The following SUCLG2 variants were observed in gnomAD, a reference collection of about 807,000 sequenced individuals.
SUCLG2 encodes succinate-CoA ligase GDP-forming subunit beta.
In SUCLG2, 42 loss-of-function variants were observed where a neutral mutation model predicts 47.9. That is an observed-to-expected ratio of 0.88 (90% CI 0.69 to 1.14). SUCLG2 has a LOEUF of 1.14. Ranked by LOEUF, SUCLG2 falls within the 50% of genes most tolerant of loss-of-function variation. The pLI, the probability that SUCLG2 is intolerant of heterozygous loss-of-function variation, is 0.00. For missense variants in SUCLG2, 571 were observed against 525.9 expected, an observed-to-expected ratio of 1.09 and a Z score of -0.84; for synonymous variants, 195 against 197.3, an observed-to-expected ratio of 0.99 and a Z score of 0.10.
At chr3:67,395,945 C>A (rs563348628) in intron 10 of SUCLG2, among the ~76,000 whole-genome samples, 4 of 152,088 alleles carry the variant, frequency 2.6e-5, no homozygotes, top group Non-Finnish European at 5.9e-5. Flanking sequence ...TAAATGAAGG[C>A]AGAAATAAAG....
At chr3:67,566,849 T>C (rs148605399) in intron 2 of SUCLG2, among the ~76,000 whole-genome samples, 2 of 152,226 alleles carry the variant, frequency 1.3e-5, no homozygotes, top group Non-Finnish European at 2.9e-5. Context: ...TTCCATCCTA[T>C]GTTTTTATGC....
chr3:67,630,743 A>G (rs1378224270), intron 1 of SUCLG2, among the ~76,000 whole-genome samples: 3 of 152,236 alleles, frequency 2.0e-5, no homozygotes, highest in Non-Finnish European at 4.4e-5. Context: ...CACAATCCTC[A>G]TTACACAGTG....
chr3:67,402,814 A>G (rs1462826799), intron 9 of SUCLG2, among the ~76,000 whole-genome samples: 2 of 152,250 alleles, frequency 1.3e-5, no homozygotes, highest in Non-Finnish European at 2.9e-5. Context: ...TTCTCAGGGA[A>G]TTCTCATTAA....
chr3:67,425,226 T>C (rs1181828632), intron 9 of SUCLG2, among the ~76,000 whole-genome samples: 1 of 152,208 alleles, frequency 6.6e-6, no homozygotes, highest in Non-Finnish European at 1.5e-5. Flanking sequence ...AGCATCATTT[T>C]AGGCATACAG....
chr3:67,386,152 G>A (rs953695307), intron 10 of SUCLG2, among the ~76,000 whole-genome samples: 1 of 152,010 alleles, frequency 6.6e-6, no homozygotes, highest in African/African-American at 2.4e-5. Flanking sequence ...GCAGTGGCGC[G>A]ATCTCGGCTC....
chr3:67,601,277 A>G (rs1708412000), intron 2 of SUCLG2, among the ~76,000 whole-genome samples: 1 of 152,230 alleles, frequency 6.6e-6, no homozygotes, highest in Non-Finnish European at 1.5e-5. Context: ...ATATGTTAAT[A>G]TTAGCACAGG....
At chr3:67,484,275 C>G (rs1016675975) in intron 9 of SUCLG2, among the ~76,000 whole-genome samples, 23 of 152,162 alleles carry the variant, frequency 1.5e-4, no homozygotes, top group Non-Finnish European at 2.9e-4. Context: ...CCAGACTGCC[C>G]CATTGTATTA....
At chr3:67,648,599 T>G (rs928446487) in intron 1 of SUCLG2, among the ~76,000 whole-genome samples, 1 of 152,194 alleles carries the variant, frequency 6.6e-6, no homozygotes, top group African/African-American at 2.4e-5. Context: ...CTATAAAACA[T>G]GGAGACTGTG....
chr3:67,530,474 G>A (rs1706372893), intron 2 of SUCLG2, among the ~76,000 whole-genome samples: 1 of 152,174 alleles, frequency 6.6e-6, no homozygotes, highest in South Asian at 2.1e-4. Context: ...GGTTATTTCA[G>A]CTATTACTGT....
chr3:67,620,584 C>CAAAAAAAAAAAAAAAAA (rs71109890), intron 1 of SUCLG2, among the ~76,000 whole-genome samples: 6 of 63,482 alleles, frequency 9.5e-5, no homozygotes, highest in South Asian at 7.9e-4. Flanking sequence ...GACTCCATCT[C>CAAAAAAAAAAAAAAAAA]AAAAAAAAAA....
At chr3:67,383,575 AC>A (rs1274587768) in intron 10 of SUCLG2, among the ~76,000 whole-genome samples, 1 of 152,182 alleles carries the variant, frequency 6.6e-6, no homozygotes, top group African/African-American at 2.4e-5. Flanking sequence ...AGTTATTCGG[AC>A]CATCACAGCA....
At chr3:67,563,803 C>CA (rs1179584131) in intron 2 of SUCLG2, among the ~76,000 whole-genome samples, 4 of 151,006 alleles carry the variant, frequency 2.6e-5, no homozygotes, top group African/African-American at 9.7e-5. Flanking sequence ...ACTAAAAATA[C>CA]AAAAAAAATT....
intron 2 of SUCLG2, among the ~76,000 whole-genome samples, chr3:67,549,452 C>A (rs1706953267): frequency 6.6e-6 from 1 of 152,100 alleles, no homozygotes; most frequent in African/African-American, 2.4e-5. Context: ...AACTAGAGTA[C>A]ATTACTTTTT....
intron 1 of SUCLG2, among the ~76,000 whole-genome samples, chr3:67,639,628 T>G (rs1701065598): frequency 6.6e-6 from 1 of 152,124 alleles, no homozygotes; most frequent in East Asian, 1.9e-4. Flanking sequence ...CTCTTGCCCC[T>G]AACTACAACT....
At chr3:67,617,431 G>A (rs1328984922) in intron 1 of SUCLG2, among the ~76,000 whole-genome samples, 2 of 152,192 alleles carry the variant, frequency 1.3e-5, no homozygotes, top group East Asian at 1.9e-4. Context: ...AATGTCAGAT[G>A]TAGAAGGAAG....
chr3:67,619,339 A>T lies in SUCLG2; in HGVS notation c.85-9743T>A, dbSNP rs554465537. 2.6e-5 allele frequency among the ~76,000 whole-genome samples: 4 copies of T among 152,364 alleles called. No homozygotes were observed. In the South Asian group the frequency reaches 8.3e-4, roughly 32 times the overall value. ...AAGCAAAAGAAGGTTCAGAGTAACT[A>T]AGTGCCTGCTCAGGGTGACACAGCT... On this transcript the variant is annotated intron_variant, in intron 1 of 10. Coordinates refer to ENST00000307227, the MANE Select transcript of SUCLG2 (RefSeq NM_003848.4).
At chr3:67,621,810 T>C (rs972902640) in intron 1 of SUCLG2, among the ~76,000 whole-genome samples, 2 of 152,178 alleles carry the variant, frequency 1.3e-5, no homozygotes, top group Non-Finnish European at 2.9e-5. Flanking sequence ...TCCATAACTA[T>C]AAGAAATAAA....
chr3:67,426,119 A>C (rs984647116), intron 9 of SUCLG2, among the ~76,000 whole-genome samples: 2 of 152,196 alleles, frequency 1.3e-5, no homozygotes, highest in African/African-American at 4.8e-5. Context: ...AGGTTAGACA[A>C]GACAAGATTG....
chr3:67,408,639 T>A, intron 9 of SUCLG2: 1 of 1,058,432 alleles, frequency 9.4e-7, no homozygotes, highest in African/African-American at 1.7e-5. Flanking sequence ...TCTGTCCTTA[T>A]TCTGTCTATT....
Sources: gnomAD v4.1 joint callset for allele counts (sites outside exome capture counted in the v4.1 genomes callset) on GRCh38, gnomAD v4.1.1 for gene constraint, MANE v1.5 for transcripts, NCBI Gene and HGNC (gene_info 2026-07-23, HGNC 2026-07-21) for gene names.